Variants in TIAL1 observed in about 807,000 individuals in gnomAD.
The protein encoded by TIAL1 is TIA1 cytotoxic granule associated RNA binding protein like 1, also known as nucleolysin TIAR.
TIAL1 carries 7 observed loss-of-function variants against 59.7 expected under a neutral mutation model. The ratio of observed to expected loss-of-function variants is 0.12; its 90% CI spans 0.07 to 0.22. The LOEUF (loss-of-function observed/expected upper bound fraction) is 0.22, where lower values mean the gene tolerates loss of function less well. Among genes scored for constraint, TIAL1 ranks in the 10% least tolerant of loss-of-function variants. TIAL1 has a pLI of 1.00. For missense variants in TIAL1, 225 were observed against 462.5 expected (o/e 0.49, Z 4.71); for synonymous variants, 149 against 146.3 (o/e 1.02, Z -0.13).
At chr10:119,589,393 A>G (rs1363688967) in intron 1 of TIAL1, among the ~76,000 whole-genome samples, 3 of 152,106 alleles carry the variant, frequency 2.0e-5, no homozygotes, top group Non-Finnish European at 4.4e-5. Flanking sequence ...TTTAGTAGAG[A>G]CGGGGTTTCA....
chr10:119,582,336 G>A lies in TIAL1; in HGVS notation c.229-113C>T. On this transcript the variant is annotated intron_variant, in intron 3 of 11. Transcript: ENST00000436547. The surrounding 1 kb of genome is among the most constrained non-coding windows in gnomAD (Gnocchi z 5.1). ...GTTATTTTTGTAAAAGCACTAAGCT[G>A]AATAAAGCAAAACCATCACTCAGCA... The A allele has an allele frequency of 2.7e-6, 4 of 1,474,644 alleles. No homozygotes were observed. The highest frequency in any genetic ancestry group is 3.6e-6 in the Non-Finnish European group (4 of 1,098,378). The allele number at this position is 1,474,644 out of a possible 1,614,324, so 91.3% of individuals were successfully genotyped here.
At chr10:119,583,446 C>A (rs1250470771) in intron 2 of TIAL1, among the ~76,000 whole-genome samples, 1 of 152,126 alleles carries the variant, frequency 6.6e-6, no homozygotes. Flanking sequence ...ACATTCTCAC[C>A]TGACAACCAA....
At chr10:119,596,375 T>C in intron 1 of TIAL1, 59 bp downstream of exon 1, 3 of 1,600,548 alleles carry the variant, frequency 1.9e-6, no homozygotes, top group East Asian at 2.2e-5. Flanking sequence ...CTCCCTCCCT[T>C]AGCGTCCCGC....
chr10:119,582,097 C>T lies in TIAL1; in HGVS notation c.283+72G>A. On this transcript the variant is annotated intron_variant, in intron 4 of 11. Transcript: ENST00000436547. This position sits in a 1 kb window ranked among gnomAD's most constrained non-coding sequence, Gnocchi z 5.1. ...CAACTCTAGAGGAGGAAAAAAAAAC[C>T]TATTTAAGCTGGTAATGCCTCCTGG... is the stretch of plus-strand genomic sequence containing the variant. 6.3e-7 allele frequency: 1 copy of T among 1,594,104 alleles called. No homozygotes were observed. The highest frequency in any genetic ancestry group is 8.6e-7 in the Non-Finnish European group (1 of 1,169,450).
chr10:119,595,574 T>A (rs1589891618), intron 1 of TIAL1, among the ~76,000 whole-genome samples: 1 of 152,146 alleles, frequency 6.6e-6, no homozygotes, highest in Non-Finnish European at 1.5e-5. Context: ...ATTCATTAGA[T>A]TGAGCTTCAG....
In TIAL1 at chr10:119,573,754, A is replaced by C. The variant is rs548085380; in HGVS notation, c.*1911T>G. 6 of 152,474 alleles carry C rather than the reference A, an allele frequency of 3.9e-5. No individual in the cohort carries two copies. The East Asian group carries it at 1.2e-3, about 29-fold the overall frequency. 9.4% of individuals were successfully genotyped at this position (152,474 alleles called of 1,614,324 possible). A position where few individuals can be genotyped will look rare whatever the true frequency, so the allele number is the denominator to read the frequency against. ...TTTTCCAAAAACATTCCTCAAAGAT[A>C]CTATAAACAAAAGAAATAAGGGTAT... On this transcript the variant is annotated 3_prime_UTR_variant, in exon 12 of 12. Transcript: ENST00000436547.
chr10:119,590,431 A>C (rs1368635572), intron 1 of TIAL1, among the ~76,000 whole-genome samples: 1 of 151,924 alleles, frequency 6.6e-6, no homozygotes, highest in Non-Finnish European at 1.5e-5. Context: ...TGAACAAGTG[A>C]CCAGGCATGG....
At chr10:119,584,625 G>A (rs951582156) in intron 2 of TIAL1, among the ~76,000 whole-genome samples, 1 of 152,012 alleles carries the variant, frequency 6.6e-6, no homozygotes, top group Non-Finnish European at 1.5e-5. Context: ...TCAGGAGTTC[G>A]AGACCAGCCT....
At chr10:119,593,871 A>G (rs771154774) in intron 1 of TIAL1, among the ~76,000 whole-genome samples, 1 of 152,226 alleles carries the variant, frequency 6.6e-6, no homozygotes. Context: ...AAAATATATA[A>G]AAGTCAACAG....
At chr10:119,595,204 G>A (rs1846102444) in intron 1 of TIAL1, among the ~76,000 whole-genome samples, 2 of 152,134 alleles carry the variant, frequency 1.3e-5, no homozygotes, top group Admixed American at 1.3e-4. Context: ...GTGAAGAGAT[G>A]TGAAGCTAGT....
intron 2 of TIAL1, among the ~76,000 whole-genome samples, chr10:119,585,399 A>G (rs1203149063): frequency 1.3e-5 from 2 of 150,554 alleles, no homozygotes; most frequent in Admixed American, 6.6e-5. Context: ...GCAGTGAGCC[A>G]TGATGGCGCC....
chr10:119,579,369 G>T (rs1845194319), intron 6 of TIAL1, among the ~76,000 whole-genome samples: 1 of 151,830 alleles, frequency 6.6e-6, no homozygotes, highest in Non-Finnish European at 1.5e-5. Flanking sequence ...ACAAAACATT[G>T]ATTTAAGTTA....
At chr10:119,587,241 A>G (rs1031108965) in intron 2 of TIAL1, among the ~76,000 whole-genome samples, 2 of 152,088 alleles carry the variant, frequency 1.3e-5, no homozygotes, top group Non-Finnish European at 2.9e-5. Context: ...TTTAACTACA[A>G]CCATGCTACG....
chr10:119,589,487 T>C (rs1845743070), intron 1 of TIAL1, among the ~76,000 whole-genome samples: 1 of 152,052 alleles, frequency 6.6e-6, no homozygotes, highest in African/African-American at 2.4e-5. Context: ...ATTACAGGAG[T>C]GAGCCACCAT....
chr10:119,577,732 G>A lies in TIAL1; in HGVS notation c.561C>T (p.Asn187=), dbSNP rs931250129. 5.0e-6 allele frequency: 8 copies of A among 1,613,166 alleles called. No homozygotes were observed. The African/African-American group carries it at 9.3e-5, about 19-fold the overall frequency. ...CATCTTCAAATCTCAACTGCTTAGT[G>A]TTGTCTGTATGCAGAAACAAAACAA... ...PPAPKSTQEN[N]TKQLRFEDVV... The change falls in exon 8 of 12, where the codon AAC becomes AAT. Residue 187 remains asparagine (N), a synonymous_variant. Coordinates refer to ENST00000436547, the MANE Select transcript of TIAL1 (RefSeq NM_003252.4).
rs941089145 is a variant in TIAL1, at chr10:119,575,292, T to C, written c.*373A>G. Reference sequence around the variant, plus strand: ...CCCAGGTTTTCACGATCCTCCCTTTTTTGCTCTTTTAAAAACACAGTGAGT... The same window carrying C: ...CCCAGGTTTTCACGATCCTCCCTTTCTTGCTCTTTTAAAAACACAGTGAGT... On this transcript the variant is annotated 3_prime_UTR_variant, in exon 12 of 12. Coordinates refer to ENST00000436547, the MANE Select transcript of TIAL1 (RefSeq NM_003252.4). 6 of 176,754 alleles carry C rather than the reference T, an allele frequency of 3.4e-5. No homozygotes were observed. In the South Asian group the frequency reaches 6.5e-4, roughly 19 times the overall value. The allele number at this position is 176,754 out of a possible 1,614,324, so 10.9% of individuals were successfully genotyped here.
chr10:119,590,738 AAGAGAGAGAGAC>A (rs1424694968), intron 1 of TIAL1, among the ~76,000 whole-genome samples: 2 of 135,822 alleles, frequency 1.5e-5, no homozygotes, highest in South Asian at 4.8e-4. Flanking sequence ...GAAAGAGAGA[AAGAGAGAGAGAC>A]AGAGAGAAAG....
At chr10:119,577,978 G>A (rs1845094957) in intron 7 of TIAL1, among the ~76,000 whole-genome samples, 1 of 151,974 alleles carries the variant, frequency 6.6e-6, no homozygotes, top group Admixed American at 6.6e-5. Flanking sequence ...TGTAATCCCA[G>A]CACTTTGGGA....
rs1554862520 is a variant in TIAL1, at chr10:119,574,599, A to AAAG, written c.*1065_*1066insCTT. 4 of 150,474 alleles carry AAAG rather than the reference A, an allele frequency of 2.7e-5. No homozygotes were observed. The highest frequency in any genetic ancestry group is 2.1e-4 in the South Asian group (1 of 4,694). 9.3% of individuals were successfully genotyped at this position (150,474 alleles called of 1,614,324 possible). ...AGTAATGTAAAGCAAAAAAAAAAAA[A>AAAG]AAAAAAAACAAAAACAAAAAACTAA... is the stretch of plus-strand genomic sequence containing the variant. On this transcript the variant is annotated 3_prime_UTR_variant, in exon 12 of 12. Transcript: ENST00000436547.
Sources: allele counts gnomAD v4.1 joint callset (sites outside exome capture counted in the v4.1 genomes callset), GRCh38; gene constraint gnomAD v4.1.1; non-coding constraint Gnocchi (gnomAD v3.1); transcripts MANE v1.5; gene names NCBI Gene and HGNC (gene_info 2026-07-23, HGNC 2026-07-21).